ARHGEF28: variants seen among roughly 807,000 people sequenced by gnomAD.
ARHGEF28 encodes Rho guanine nucleotide exchange factor 28, also known as 190 kDa guanine nucleotide exchange factor.
In ARHGEF28, 152 loss-of-function variants were observed where a neutral mutation model predicts 206.6. The ratio of observed to expected loss-of-function variants is 0.74; its 90% CI spans 0.64 to 0.84. The LOEUF is 0.84. Among genes scored for constraint, ARHGEF28 ranks in the 40% least tolerant of loss-of-function variants. The pLI, the probability that ARHGEF28 is intolerant of heterozygous loss-of-function variation, is 0.00. For synonymous variants in ARHGEF28, 763 were observed against 776.4 expected (o/e 0.98, Z 0.29); for missense variants, 2,028 against 2,073.2 (o/e 0.98, Z 0.42).
chr5:73,810,811 T>C (rs963695339), intron 9 of ARHGEF28, among the ~76,000 whole-genome samples: 1 of 152,258 alleles, frequency 6.6e-6, no homozygotes, highest in Non-Finnish European at 1.5e-5. Context: ...TGTAGTCTTC[T>C]GAACGCTTTG....
intron 4 of ARHGEF28, among the ~76,000 whole-genome samples, chr5:73,772,626 G>T (rs760410805): frequency 6.6e-6 from 1 of 152,108 alleles, no homozygotes; most frequent in African/African-American, 2.4e-5. Flanking sequence ...TGATCCTCCC[G>T]CGTTGGCCTC....
chr5:73,728,835 T>A (rs1225680663), intron 2 of ARHGEF28, among the ~76,000 whole-genome samples: 1 of 152,176 alleles, frequency 6.6e-6, no homozygotes, highest in East Asian at 1.9e-4. Flanking sequence ...TGCAGGATAG[T>A]TGACCATAGG....
At chr5:73,687,621 G>A in intron 2 of ARHGEF28, among the ~76,000 whole-genome samples, 1 of 151,874 alleles carries the variant, frequency 6.6e-6, no homozygotes, top group Non-Finnish European at 1.5e-5. Context: ...TGTATTTTGG[G>A]GAAGAACCTG....
chr5:73,770,253 C>T (rs916839178), intron 4 of ARHGEF28, among the ~76,000 whole-genome samples: 1 of 152,182 alleles, frequency 6.6e-6, no homozygotes, highest in African/African-American at 2.4e-5. Context: ...GTGACAGACT[C>T]ATTTCATGGG....
At chr5:73,793,886 G>C (rs1754634072) in intron 7 of ARHGEF28, among the ~76,000 whole-genome samples, 1 of 151,468 alleles carries the variant, frequency 6.6e-6, no homozygotes, top group African/African-American at 2.4e-5. Context: ...CACCCGGTGT[G>C]CCCGGGGCTG....
intron 7 of ARHGEF28, among the ~76,000 whole-genome samples, chr5:73,784,142 A>C (rs2112466956): frequency 6.6e-6 from 1 of 152,102 alleles, no homozygotes; most frequent in Non-Finnish European, 1.5e-5. Flanking sequence ...AAAAAACCAA[A>C]CAAACCCTAA....
At chr5:73,782,256 T>C (rs1753894280) in intron 7 of ARHGEF28, among the ~76,000 whole-genome samples, 2 of 151,900 alleles carry the variant, frequency 1.3e-5, no homozygotes, top group Admixed American at 1.3e-4. Flanking sequence ...CTGACCAACA[T>C]GGCGAAACCC....
intron 2 of ARHGEF28, among the ~76,000 whole-genome samples, chr5:73,713,066 G>T (rs1445021108): frequency 6.6e-6 from 1 of 152,120 alleles, no homozygotes; most frequent in Non-Finnish European, 1.5e-5. Context: ...CTAAGGAAAT[G>T]AAATAAAATT....
intron 22 of ARHGEF28, among the ~76,000 whole-genome samples, chr5:73,876,737 A>G (rs1403160403): frequency 2.0e-5 from 3 of 151,174 alleles, no homozygotes; most frequent in Non-Finnish European, 3.0e-5. Flanking sequence ...TGATTTGCGT[A>G]TATTGAACCA....
chr5:73,875,757 C>G (rs1468253544), intron 22 of ARHGEF28, among the ~76,000 whole-genome samples: 1 of 151,834 alleles, frequency 6.6e-6, no homozygotes, highest in Non-Finnish European at 1.5e-5. Flanking sequence ...TCTGAGGGCT[C>G]TGTTCTATTC....
intron 2 of ARHGEF28, among the ~76,000 whole-genome samples, chr5:73,739,002 T>C (rs1157860379): frequency 6.6e-6 from 1 of 152,188 alleles, no homozygotes; most frequent in Non-Finnish European, 1.5e-5. Flanking sequence ...CTTAGAGGAA[T>C]ATTTTCTTAG....
intron 2 of ARHGEF28, among the ~76,000 whole-genome samples, chr5:73,734,279 G>A (rs1413729571): frequency 6.6e-6 from 1 of 152,188 alleles, no homozygotes; most frequent in African/African-American, 2.4e-5. Flanking sequence ...AGGTTGGGAT[G>A]AGATGGCCTG....
intron 7 of ARHGEF28, among the ~76,000 whole-genome samples, chr5:73,786,822 C>T (rs896244551): frequency 2.0e-4 from 31 of 152,142 alleles, no homozygotes; most frequent in African/African-American, 7.0e-4. Context: ...ATATAACACA[C>T]GCCTATGGTG....
At chr5:73,633,280 C>G (rs1489249758) in intron 1 of ARHGEF28, among the ~76,000 whole-genome samples, 1 of 152,164 alleles carries the variant, frequency 6.6e-6, no homozygotes. Flanking sequence ...CTGTACTGGT[C>G]TTTGGCCCCA....
chr5:73,654,881 A>G (rs1213844927), intron 1 of ARHGEF28, among the ~76,000 whole-genome samples: 3 of 152,222 alleles, frequency 2.0e-5, no homozygotes, highest in Admixed American at 6.5e-5. Context: ...ACAGTAATCT[A>G]AGCACATCCT....
At chr5:73,717,651 GC>G (rs34712476) in intron 2 of ARHGEF28, among the ~76,000 whole-genome samples, 1 of 152,104 alleles carries the variant, frequency 6.6e-6, no homozygotes, top group African/African-American at 2.4e-5. Flanking sequence ...AGTTAAAAGT[GC>G]CAACTGCATG....
chr5:73,772,017 A>C (rs1364922062), intron 4 of ARHGEF28, among the ~76,000 whole-genome samples: 1 of 152,320 alleles, frequency 6.6e-6, no homozygotes, highest in East Asian at 1.9e-4. Flanking sequence ...TATACTGGTA[A>C]GTTGGTGGCA....
intron 2 of ARHGEF28, among the ~76,000 whole-genome samples, chr5:73,744,174 C>G (rs953876534): frequency 1.3e-5 from 2 of 152,158 alleles, no homozygotes; most frequent in African/African-American, 4.8e-5. Flanking sequence ...TATTTGTATA[C>G]ATGTGCACAC....
intron 35 of ARHGEF28, among the ~76,000 whole-genome samples, chr5:73,928,415 CA>C (rs1763934658): frequency 6.6e-6 from 1 of 151,976 alleles, no homozygotes; most frequent in Admixed American, 6.6e-5. Flanking sequence ...TACTCTTTCT[CA>C]AAAAACAACA....
Sources: allele counts gnomAD v4.1 joint callset (sites outside exome capture counted in the v4.1 genomes callset), GRCh38; gene constraint gnomAD v4.1.1; transcripts MANE v1.5; gene names NCBI Gene and HGNC (gene_info 2026-07-23, HGNC 2026-07-21).